The following C2CD3 variants were observed in gnomAD, a reference collection of about 807,000 sequenced individuals.
The protein encoded by C2CD3 is C2 domain containing 3 centriole elongation regulator.
C2CD3 carries 148 observed loss-of-function variants against 234.0 expected under a neutral mutation model. The observed-to-expected ratio is 0.63, with a 90% CI of 0.55 to 0.72. The LOEUF (loss-of-function observed/expected upper bound fraction) is 0.72. Among genes scored for constraint, C2CD3 ranks in the 30% least tolerant of loss-of-function variants. The pLI is 0.00. For synonymous variants in C2CD3, 1,000 were observed against 1,035.4 expected, an observed-to-expected ratio of 0.97 and a Z score of 0.66; for missense variants, 2,577 against 2,811.5, an observed-to-expected ratio of 0.92 and a Z score of 1.89.
rs533918148 is a variant in C2CD3 at position 74,016,427 on chromosome 11, G to T, written c.6922-2902C>A. Reference sequence around the variant, plus strand: ...TACACCTACTGGCTGGGCCATATCTGCCCTGGAGCTGAATCGTGTGTGGCA... The same window carrying T: ...TACACCTACTGGCTGGGCCATATCTTCCCTGGAGCTGAATCGTGTGTGGCA... On this transcript the variant is annotated intron_variant, in intron 32 of 32. Transcript: ENST00000334126. 9.8e-5 allele frequency among the ~76,000 whole-genome samples: 15 copies of T among 152,300 alleles called. No homozygotes were observed. In the East Asian group the frequency reaches 2.9e-3, roughly 29 times the overall value.
chr11:74,033,955 T>C lies in C2CD3; in HGVS notation c.6205A>G (p.Ile2069Val). The C allele has an allele frequency of 6.5e-7, 1 of 1,536,412 alleles. No homozygotes were observed. Among genetic ancestry groups the C allele is most frequent in the Admixed American group, 2.0e-5 (1 of 51,008 alleles). The change falls in exon 31 of 33, where the codon ATT becomes GTT. Residue 2069 changes from isoleucine to valine, a missense_variant. By Grantham distance (29) the Ile-to-Val change is conservative. Transcript: ENST00000334126. ...ATCTCATTTAAGGTCCTGGGCTCAA[T>C]GATGTCTTCTTCATAGTCCTCATCA... ...YSDEDYEEDI[I>V]EPRTLNEITT...
chr11:74,013,570 C>A (rs1316560073), intron 32 of C2CD3, 45 bp from the exon 33 acceptor site: 2 of 1,165,150 alleles, frequency 1.7e-6, no homozygotes, highest in African/African-American at 3.2e-5. Flanking sequence ...GGATATGGCA[C>A]CACCAATGGA....
intron 24 of C2CD3, among the ~76,000 whole-genome samples, chr11:74,073,021 C>G (rs368511390): frequency 6.6e-6 from 1 of 151,952 alleles, no homozygotes; most frequent in East Asian, 1.9e-4. Flanking sequence ...CTGGAAGTAG[C>G]CAGGCAAAAG....
intron 24 of C2CD3, among the ~76,000 whole-genome samples, chr11:74,061,965 G>C (rs1465212879): frequency 1.3e-5 from 2 of 151,954 alleles, no homozygotes; most frequent in African/African-American, 4.8e-5. Context: ...AAAAGCAGGG[G>C]TTGCAATCCT....
chr11:74,082,346 A>C (rs1256862020), intron 22 of C2CD3, among the ~76,000 whole-genome samples: 1 of 151,950 alleles, frequency 6.6e-6, no homozygotes, highest in Non-Finnish European at 1.5e-5. Flanking sequence ...CAATCTCCTG[A>C]CCTTGTGATC....
chr11:74,095,442 A>T (rs1956071630), intron 16 of C2CD3, 34 bp from the exon 17 acceptor site: 2 of 1,545,370 alleles, frequency 1.3e-6, no homozygotes, highest in Non-Finnish European at 8.9e-7. Context: ...GGTGAGCTTT[A>T]AAGAGTAACT....
At chr11:74,118,497 G>A in intron 8 of C2CD3, 115 bp from the exon 9 acceptor site, 2 of 642,112 alleles carry the variant, frequency 3.1e-6, no homozygotes, top group Non-Finnish European at 5.2e-6. Context: ...TTCTCTTAAA[G>A]AAAGAACTGA....
intron 30 of C2CD3, among the ~76,000 whole-genome samples, chr11:74,034,858 C>T (rs1029638080): frequency 2.6e-5 from 4 of 152,252 alleles, no homozygotes; most frequent in African/African-American, 9.6e-5. Context: ...AAACCATCCT[C>T]TCTGAGCCTA....
intron 3 of C2CD3, among the ~76,000 whole-genome samples, chr11:74,159,021 TAAC>T (rs1856247597): frequency 1.3e-5 from 2 of 152,166 alleles, no homozygotes; most frequent in South Asian, 4.1e-4. Flanking sequence ...ATGCACCAGG[TAAC>T]AACATTTCCA....
intron 22 of C2CD3, among the ~76,000 whole-genome samples, chr11:74,084,425 A>G (rs1955544426): frequency 9.4e-6 from 1 of 106,902 alleles, no homozygotes. Flanking sequence ...TAGAACTTAA[A>G]GTATAATAAA....
intron 11 of C2CD3, among the ~76,000 whole-genome samples, chr11:74,111,435 T>C (rs559045771): frequency 1.5e-4 from 23 of 152,252 alleles, no homozygotes; most frequent in Admixed American, 5.9e-4. Flanking sequence ...ACAAAATTAT[T>C]AAAAATATTG....
At position 74,013,542 on chromosome 11, in the gene C2CD3, C is replaced by T. The variant is rs1317881743; in HGVS notation, c.6922-17G>A. On this transcript the variant is annotated splice_polypyrimidine_tract_variant and intron_variant, in intron 32 of 32. Transcript: ENST00000334126. ...GCTCTTGTCCTGGAGAGGAAGAAGTCAGCTAGGTTACCACTGAGGATATGG... is the reference window on the plus strand; with the variant it reads ...GCTCTTGTCCTGGAGAGGAAGAAGTTAGCTAGGTTACCACTGAGGATATGG... The T allele has an allele frequency of 7.6e-7, 1 of 1,322,170 alleles. No individual in the cohort carries two copies. Among genetic ancestry groups the T allele is most frequent in the Non-Finnish European group, 9.7e-7 (1 of 1,035,834 alleles). 81.9% of individuals were successfully genotyped at this position (1,322,170 alleles called of 1,614,324 possible).
At chr11:74,107,322 T>TCTCACACACACACACACACACACACACA (rs948551188) in intron 12 of C2CD3, among the ~76,000 whole-genome samples, 6 of 146,526 alleles carry the variant, frequency 4.1e-5, no homozygotes, top group African/African-American at 1.5e-4. Context: ...TGAAACTGTG[T>TCTCACACACACACACACACACACACACA]CACACACACA....
intron 25 of C2CD3, among the ~76,000 whole-genome samples, chr11:74,056,658 C>G (rs1312386833): frequency 6.6e-6 from 1 of 152,182 alleles, no homozygotes; most frequent in Non-Finnish European, 1.5e-5. Flanking sequence ...TTCAAATGCC[C>G]AGGGTCTTTC....
At chr11:74,130,128 A>G (rs1340720272) in intron 7 of C2CD3, among the ~76,000 whole-genome samples, 116 of 59,654 alleles carry the variant, frequency 1.9e-3, no homozygotes, top group African/African-American at 5.6e-3. Context: ...GGAGGGGGAG[A>G]GGGAGAGGGA....
At chr11:74,089,712 T>C (rs1955803509) in intron 20 of C2CD3, among the ~76,000 whole-genome samples, 1 of 152,174 alleles carries the variant, frequency 6.6e-6, no homozygotes, top group South Asian at 2.1e-4. Context: ...GTTAGAAGGA[T>C]GGAGAGGAGC....
At chr11:74,030,706 G>T (rs1293924671) in intron 31 of C2CD3, among the ~76,000 whole-genome samples, 10 of 152,106 alleles carry the variant, frequency 6.6e-5, no homozygotes, top group Non-Finnish European at 1.3e-4. Flanking sequence ...GACTCCCAGA[G>T]ATGCCTACCT....
At chr11:74,040,894 TCACACACACACACGCA>T (rs1021588062) in intron 29 of C2CD3, among the ~76,000 whole-genome samples, 3 of 148,768 alleles carry the variant, frequency 2.0e-5, no homozygotes, top group Admixed American at 6.7e-5. Context: ...CCTTTATCTA[TCACACACACACACGCA>T]CACACACACA....
At chr11:74,142,231 G>C (rs1214536905) in intron 3 of C2CD3, 1 of 152,172 alleles carries the variant, frequency 6.6e-6, no homozygotes, top group Non-Finnish European at 1.5e-5. Context: ...TATCCCTGGG[G>C]GTTACAGATC....
Sources: gnomAD v4.1 joint callset for allele counts (sites outside exome capture counted in the v4.1 genomes callset) on GRCh38, gnomAD v4.1.1 for gene constraint, MANE v1.5 for transcripts, NCBI Gene and HGNC (gene_info 2026-07-23, HGNC 2026-07-21) for gene names.